Variants in YBX3 observed in about 807,000 individuals in gnomAD.
YBX3 encodes Y-box binding protein 3, also known as Y-box-binding protein 3.
Under a neutral mutation model 42.4 loss-of-function variants are expected in YBX3, and 29 were observed. That is an observed-to-expected ratio of 0.68 (90% CI 0.51 to 0.93). The LOEUF is 0.93. Among genes scored for constraint, YBX3 ranks in the 40% least tolerant of loss-of-function variants. YBX3 has a pLI of 0.00. For missense variants in YBX3, 517 were observed against 527.5 expected (o/e 0.98, Z 0.19); for synonymous variants, 195 against 189.8 (o/e 1.03, Z -0.22).
At chr12:10,708,638 C>T (rs1490842160) in intron 6 of YBX3, among the ~76,000 whole-genome samples, 2 of 152,196 alleles carry the variant, frequency 1.3e-5, no homozygotes, top group South Asian at 2.1e-4. Flanking sequence ...GGAAAGTCAG[C>T]CATTCAGTCA....
At chr12:10,712,885 G>A (rs776160018) in intron 5 of YBX3, 15 of 218,972 alleles carry the variant, frequency 6.9e-5, no homozygotes, top group East Asian at 4.7e-4. Flanking sequence ...TGAGACCAGC[G>A]GCTCTGGAAA....
In YBX3 at chr12:10,707,549, T is replaced by C. The variant is rs75061946; in HGVS notation, c.780+2359A>G. Among the ~76,000 whole-genome samples the C allele has an allele frequency of 5.4e-3, 826 of 152,352 alleles. 12 individuals are homozygous for C. Among genetic ancestry groups the C allele is most frequent in the East Asian group, 0.032 (168 of 5,194 alleles). On this transcript the variant is annotated intron_variant, in intron 6 of 9. Coordinates refer to ENST00000228251, the MANE Select transcript of YBX3 (RefSeq NM_003651.5). ...CTTCTCTAATACAACCCATGTTCATTTCTCTACTGAAAAGATTATAGCAGC... is the reference window on the plus strand; with the variant it reads ...CTTCTCTAATACAACCCATGTTCATCTCTCTACTGAAAAGATTATAGCAGC...
In YBX3 at chr12:10,720,004, C is replaced by G. The variant is rs565154278; in HGVS notation, c.263-861G>C. Reference sequence around the variant, plus strand: ...CTATTTCAAATATGATCTTTGGAATCAATTATGAATGACAAATTCAGTACT... The same window carrying G: ...CTATTTCAAATATGATCTTTGGAATGAATTATGAATGACAAATTCAGTACT... On this transcript the variant is annotated intron_variant, in intron 1 of 9. Transcript: ENST00000228251. 2.0e-5 allele frequency among the ~76,000 whole-genome samples: 3 copies of G among 152,186 alleles called. No individual in the cohort carries two copies. In the East Asian group the frequency reaches 5.8e-4, roughly 29 times the overall value.
Position 10,710,088 on chromosome 12 carries a change from C to T in YBX3, c.600G>A (p.Gly200=), listed in dbSNP as rs1948183445. 2.5e-6 allele frequency: 4 copies of T among 1,613,656 alleles called. No homozygotes were observed. The South Asian group carries it at 4.4e-5, about 18-fold the overall frequency. ...GGTCAAATCCTTCACTGCTGCCGCTCCCTTCCTCCTCCTCCTCCCCAGCGT... is the reference window on the plus strand; with the variant it reads ...GGTCAAATCCTTCACTGCTGCCGCTTCCTTCCTCCTCCTCCTCCCCAGCGT... The part of the protein sequence containing the change: ...RNYAGEEEEE[G]SGSSEGFDPP... The change falls in exon 6 of 10, where the codon GGG becomes GGA. Residue 200 remains glycine, a synonymous_variant. Transcript: ENST00000228251.
chr12:10,713,326 T>G lies in YBX3; in HGVS notation c.458A>C (p.Glu153Ala). 1 of 1,610,964 alleles carries G rather than the reference T, an allele frequency of 6.2e-7. No homozygotes were observed. Among genetic ancestry groups the G allele is most frequent in the Non-Finnish European group, 8.5e-7 (1 of 1,179,354 alleles). Residue 153 changes from glutamate to alanine, a missense_variant, in exon 5 of 10, where the codon GAA (glutamate) becomes GCA (alanine). By Grantham distance (107) the Glu-to-Ala change is moderately radical. Around this residue, in one of 3 missense-constraint regions of YBX3, gnomAD observed 420 missense variants for 408.5 expected, o/e 1.03. Transcript: ENST00000228251. Reference protein sequence around the residue: ...FDVVEGEKGAEAANVTGPDGV... With the variant: ...FDVVEGEKGAAAANVTGPDGV... ...ATCCGGGCCAGTCACATTGGCAGCT[T>G]CTGCACCCTGAGAAGAAAATAAAAA...
chr12:10,713,244 G>C lies in YBX3; in HGVS notation c.540C>G (p.Gly180=), dbSNP rs766614864. The stretch of plus-strand genomic sequence containing the variant: ...GAGGGCCACGGCGCCTTCCATAGTA[G>C]CCACGTCTGTAACGGCGCCGATCTG... ...YAADRRRYRR[G]YYGRRRGPPR... The change falls in exon 5 of 10, where the codon GGC becomes GGG. Residue 180 remains glycine (G), a synonymous_variant. Transcript: ENST00000228251. 6.2e-7 allele frequency: 1 copy of C among 1,613,876 alleles called. No homozygotes were observed. The highest frequency in any genetic ancestry group is 1.3e-5 in the African/African-American group (1 of 74,904).
rs985386106 is a variant in YBX3, at chr12:10,723,302, G to A, written c.-191C>T. ...AGCTTCGTGCTGCGCGCTCTCTCTT[G>A]GGCTCCTCGCTCGATCTTACTGCCC... On this transcript the variant is annotated 5_prime_UTR_variant, in exon 1 of 10. Transcript: ENST00000228251. 7.0e-5 allele frequency: 65 copies of A among 927,214 alleles called. No individual in the cohort carries two copies. The highest frequency in any genetic ancestry group is 8.9e-5 in the Non-Finnish European group (65 of 730,066). 57.4% of individuals were successfully genotyped at this position (927,214 alleles called of 1,614,324 possible). A position where few individuals can be genotyped will look rare whatever the true frequency, so the allele number is the denominator to read the frequency against.
Position 10,719,141 on chromosome 12 carries a change from T to G in YBX3, c.265A>C (p.Thr89Pro), listed in dbSNP as rs1948296712. 6.2e-7 allele frequency: 1 copy of G among 1,613,340 alleles called. No individual in the cohort carries two copies. Among genetic ancestry groups the G allele is most frequent in the Non-Finnish European group, 8.5e-7 (1 of 1,179,562 alleles). Residue 89 changes from threonine (T) to proline (P), a missense_variant and splice_region_variant, in exon 2 of 10, where the codon ACC becomes CCC. Around this residue, in one of 3 missense-constraint regions of YBX3, gnomAD observed 420 missense variants for 408.5 expected, o/e 1.03. Transcript: ENST00000228251. ...CATTTGACAGTGCCAAGGACTTTGG[T>G]GGCTAAAATAGGATTAAGCAGATAA... ...SEDAEKKVLA[T>P]KVLGTVKWFN... is the part of the protein sequence containing the mutation.
At chr12:10,716,069 A>T (rs146642431) in intron 3 of YBX3, 39 of 375,744 alleles carry the variant, frequency 1.0e-4, no homozygotes, top group African/African-American at 8.0e-4. Flanking sequence ...CTACTGTTAC[A>T]GGCTGATCAC....
rs866105557 is a variant in YBX3 at position 10,723,020 on chromosome 12, G to A, written c.92C>T (p.Ala31Val). 1.7e-6 allele frequency: 2 copies of A among 1,208,168 alleles called. No individual in the cohort carries two copies. Among genetic ancestry groups the A allele is most frequent in the Middle Eastern group, 3.1e-4 (1 of 3,182 alleles). 74.8% of individuals were successfully genotyped at this position (1,208,168 alleles called of 1,614,324 possible). ...EAAAAAPQDP[A>V]PKSPVGSGAP... is the part of the protein sequence containing the mutation. Reference sequence around the variant, plus strand: ...ACCGCTGCCCACCGGGCTCTTGGGCGCGGGGTCCTGGGGAGCCGCGGCGGC... The same window carrying A: ...ACCGCTGCCCACCGGGCTCTTGGGCACGGGGTCCTGGGGAGCCGCGGCGGC... Residue 31 changes from alanine (A) to valine (V), a missense_variant, in exon 1 of 10, where the codon GCG becomes GTG. By Grantham distance (64) the Ala-to-Val change is moderately conservative. Transcript: ENST00000228251.
At chr12:10,716,371 A>AG (rs1407874879) in intron 3 of YBX3, among the ~76,000 whole-genome samples, 1 of 152,160 alleles carries the variant, frequency 6.6e-6, no homozygotes, top group Non-Finnish European at 1.5e-5. Flanking sequence ...GAAGTGGAGG[A>AG]GGGGGAATTC....
chr12:10,701,987 A>G lies in YBX3; in HGVS notation c.1026T>C (p.Pro342=), dbSNP rs915643874. 6.2e-7 allele frequency: 1 copy of G among 1,613,636 alleles called. No individual in the cohort carries two copies. The highest frequency in any genetic ancestry group is 8.5e-7 in the Non-Finnish European group (1 of 1,179,842). ...PYNYRRRPRP[P]NAPSQDGKEA... ...CTTTGCCATCTTGTGAAGGAGCGTT[A>G]GGAGGACGCGGGCGACGCCGGTAAT... The change falls in exon 8 of 10, where the codon CCT becomes CCC. Residue 342 remains proline (P), a synonymous_variant. Transcript: ENST00000228251.
Position 10,715,682 on chromosome 12 carries a change from A to G in YBX3, c.450+12T>C. 1 of 1,611,308 alleles carries G rather than the reference A, an allele frequency of 6.2e-7. No individual in the cohort carries two copies. Among genetic ancestry groups the G allele is most frequent in the African/African-American group, 1.3e-5 (1 of 74,902 alleles). ...GCCAGCACTTTGATACCCAACCACA[A>G]TTTCCTCTCACCTTCTCTCCTTCAA... On this transcript the variant is annotated intron_variant, in intron 4 of 9. Transcript: ENST00000228251.
chr12:10,722,865 C>A lies in YBX3; in HGVS notation c.247G>T (p.Glu83Ter). 6.7e-7 allele frequency: 1 copy of A among 1,493,476 alleles called. No individual in the cohort carries two copies. The highest frequency in any genetic ancestry group is 8.9e-7 in the Non-Finnish European group (1 of 1,121,726). 92.5% of individuals were successfully genotyped at this position (1,493,476 alleles called of 1,614,324 possible). The change falls in exon 1 of 10, where the codon GAG becomes TAG. Residue 83 changes from glutamate to a stop codon, truncating the protein, a stop_gained. Coordinates refer to ENST00000228251, the MANE Select transcript of YBX3 (RefSeq NM_003651.5). LOFTEE classifies it high-confidence loss of function. ...CCTGACTCACCGAGAACTTTTTTCT[C>A]CGCGTCTTCGCTGCCGGCGGCGGTG... ...LATAAGSEDA[E>*]KKVLATKVLG...
At chr12:10,715,824 A>C (rs926381563) in intron 3 of YBX3, 41 bp from the exon 4 acceptor site, 1 of 1,532,958 alleles carries the variant, frequency 6.5e-7, no homozygotes, top group African/African-American at 1.4e-5. Context: ...GTATATTTCA[A>C]TATTGGCCAC....
At chr12:10,708,463 G>C (rs995382936) in intron 6 of YBX3, among the ~76,000 whole-genome samples, 1 of 152,144 alleles carries the variant, frequency 6.6e-6, no homozygotes, top group Non-Finnish European at 1.5e-5. Context: ...TGACAACCTT[G>C]AAGTAGCTTA....
intron 1 of YBX3, 126 bp downstream of exon 1, chr12:10,722,724 G>A (rs896218112): frequency 7.8e-6 from 7 of 899,712 alleles, no homozygotes; most frequent in Non-Finnish European, 8.7e-6. Flanking sequence ...GGAGATCCCT[G>A]GGGACCCTGT....
At chr12:10,707,793 T>A (rs1228505694) in intron 6 of YBX3, among the ~76,000 whole-genome samples, 1 of 152,202 alleles carries the variant, frequency 6.6e-6, no homozygotes, top group African/African-American at 2.4e-5. Context: ...CCCCATCACA[T>A]GAGCCTCTCT....
In YBX3 at chr12:10,701,166, T is replaced by A. The variant is rs1948073635; in HGVS notation, c.*34+88A>T. 4 of 692,838 alleles carry A rather than the reference T, an allele frequency of 5.8e-6. 1 individual carries two copies. In the South Asian group the frequency reaches 6.8e-5, roughly 12 times the overall value. The allele number at this position is 692,838 out of a possible 1,614,324, so 42.9% of individuals were successfully genotyped here. A position where few individuals can be genotyped will look rare whatever the true frequency, so the allele number is the denominator to read the frequency against. On this transcript the variant is annotated intron_variant, in intron 9 of 9. Transcript: ENST00000228251. ...GGTTGGCACAGATGAACTGCAGAACTAGTTTAGACTAATTTGTACTCTTGT... is the reference window on the plus strand; with the variant it reads ...GGTTGGCACAGATGAACTGCAGAACAAGTTTAGACTAATTTGTACTCTTGT...
Sources: allele counts gnomAD v4.1 joint callset (sites outside exome capture counted in the v4.1 genomes callset), GRCh38; gene constraint gnomAD v4.1.1; regional missense constraint gnomAD v4.1.1; transcripts MANE v1.5; gene names NCBI Gene and HGNC (gene_info 2026-07-23, HGNC 2026-07-21).